The following TRAF2 variants were observed in gnomAD, a reference collection of about 807,000 sequenced individuals.
TRAF2 encodes the protein TNF receptor-associated factor 2.
Under a neutral mutation model 55.6 loss-of-function variants are expected in TRAF2, and 6 were observed. The ratio of observed to expected loss-of-function variants is 0.11; its 90% CI spans 0.06 to 0.21. TRAF2 has a LOEUF of 0.21. TRAF2 is among the 10% of genes least tolerant of loss of function. TRAF2 has a pLI of 1.00. For missense variants in TRAF2, 561 were observed against 684.5 expected (o/e 0.82, Z 2.01); for synonymous variants, 329 against 276.3 (o/e 1.19, Z -1.89).
chr9:136,922,554 G>A (rs776500666), intron 9 of TRAF2: 7 of 156,398 alleles, frequency 4.5e-5, no homozygotes, highest in Admixed American at 3.3e-4. Context: ...CACAGCTTGT[G>A]TGCGGCACGC....
At chr9:136,908,808 T>C (rs1372072343) in intron 5 of TRAF2, among the ~76,000 whole-genome samples, 2 of 145,712 alleles carry the variant, frequency 1.4e-5, no homozygotes, top group Non-Finnish European at 1.5e-5. Flanking sequence ...AGGCGGAGCT[T>C]GCAGTGAGCC....
chr9:136,926,362 G>A lies in TRAF2; in HGVS notation c.*461G>A. 1 of 342,268 alleles carries A rather than the reference G, an allele frequency of 2.9e-6. No homozygotes were observed. The highest frequency in any genetic ancestry group is 7.5e-5 in the East Asian group (1 of 13,264). 21.2% of individuals were successfully genotyped at this position (342,268 alleles called of 1,614,324 possible). A position where few individuals can be genotyped will look rare whatever the true frequency, so the allele number is the denominator to read the frequency against. On this transcript the variant is annotated 3_prime_UTR_variant, in exon 11 of 11. Coordinates refer to ENST00000247668, the MANE Select transcript of TRAF2 (RefSeq NM_021138.4). ...CCTCCTGCTGGCCAGAGCAAGGAAG[G>A]CTGAGCAGCTTGGTTCTCCCCTCTG...
At chr9:136,903,620 A>G (rs1427500652) in intron 4 of TRAF2, among the ~76,000 whole-genome samples, 4 of 151,520 alleles carry the variant, frequency 2.6e-5, no homozygotes, top group Non-Finnish European at 4.4e-5. Flanking sequence ...CTGCTGCAGG[A>G]CAACCCTGGT....
At chr9:136,899,021 G>C in intron 2 of TRAF2, 93 bp downstream of exon 2, 1 of 1,347,576 alleles carries the variant, frequency 7.4e-7, no homozygotes, top group South Asian at 1.4e-5. Flanking sequence ...AGCAGAGCCG[G>C]GTCCAGCTTA....
At chr9:136,918,575 C>T (rs761109448) in intron 7 of TRAF2, among the ~76,000 whole-genome samples, 46 of 151,996 alleles carry the variant, frequency 3.0e-4, no homozygotes, top group Admixed American at 2.6e-3. Flanking sequence ...CAGGCATGAC[C>T]GCGCCTGGCC....
chr9:136,898,857 C>T lies in TRAF2; in HGVS notation c.117C>T (p.Asn39=), dbSNP rs766672665. 1.1e-5 allele frequency: 17 copies of T among 1,613,502 alleles called. No individual in the cohort carries two copies. The Middle Eastern group carries it at 6.6e-4, about 63-fold the overall frequency. The change falls in exon 2 of 11, where the codon AAC becomes AAT. Residue 39 remains asparagine, a synonymous_variant. Coordinates refer to ENST00000247668, the MANE Select transcript of TRAF2 (RefSeq NM_021138.4). ...EAKYLCSACR[N]VLRRPFQAQC... ...AGTACCTGTGCTCCGCCTGCAGAAACGTCCTCCGCAGGCCCTTCCAGGCGC... is the reference window on the plus strand; with the variant it reads ...AGTACCTGTGCTCCGCCTGCAGAAATGTCCTCCGCAGGCCCTTCCAGGCGC...
intron 4 of TRAF2, 196 bp downstream of exon 4, chr9:136,900,716 C>A: frequency 3.1e-6 from 2 of 639,510 alleles, no homozygotes; most frequent in Non-Finnish European, 3.0e-6. Context: ...AGAGCACAGA[C>A]CTGCACCATG....
chr9:136,922,878 G>A (rs1325987482), intron 9 of TRAF2, among the ~76,000 whole-genome samples: 1 of 139,452 alleles, frequency 7.2e-6, no homozygotes, highest in Non-Finnish European at 1.6e-5. Context: ...CTGGGGGCAC[G>A]AGGTGGAGAG....
intron 4 of TRAF2, among the ~76,000 whole-genome samples, chr9:136,903,972 G>C (rs17250805): frequency 6.6e-6 from 1 of 151,998 alleles, no homozygotes; most frequent in Non-Finnish European, 1.5e-5. Flanking sequence ...GTGAGCCACC[G>C]CGCCCAGCCA....
Position 136,900,493 on chromosome 9 carries a change from C to CT in TRAF2, c.340dup (p.Trp114LeufsTer34). On this transcript the variant is annotated frameshift_variant, in exon 4 of 11. Coordinates refer to ENST00000247668, the MANE Select transcript of TRAF2 (RefSeq NM_021138.4). LOFTEE classifies it high-confidence loss of function. The stretch of plus-strand genomic sequence containing the variant: ...CCGTCTGTCCCAGTGATGGATGCAC[C>CT]TGGAAGGGGACCCTGAAAGAATACG... The CT allele has an allele frequency of 6.2e-7, 1 of 1,613,976 alleles. No homozygotes were observed. The highest frequency in any genetic ancestry group is 8.5e-7 in the Non-Finnish European group (1 of 1,179,960).
chr9:136,916,953 C>T (rs973372391), intron 7 of TRAF2, among the ~76,000 whole-genome samples: 3 of 152,162 alleles, frequency 2.0e-5, no homozygotes, highest in Admixed American at 2.0e-4. Context: ...TCCTTGGCCG[C>T]TGTCTCCCTG....
intron 1 of TRAF2, among the ~76,000 whole-genome samples, chr9:136,896,648 G>A (rs1242364850): frequency 1.3e-5 from 2 of 151,938 alleles, no homozygotes; most frequent in East Asian, 1.9e-4. Flanking sequence ...GTCTCTCCCC[G>A]CTTTTTTTTT....
chr9:136,886,584 C>A, intron 1 of TRAF2, 43 bp downstream of exon 1: 1 of 872,228 alleles, frequency 1.1e-6, no homozygotes, highest in Non-Finnish European at 1.3e-6. Flanking sequence ...GGCGCGGGCG[C>A]GGGGTCGGGT....
chr9:136,882,639 T>C (rs1253922350), upstream of TRAF2: 8 of 985,644 alleles, frequency 8.1e-6, no homozygotes, highest in Non-Finnish European at 9.6e-6. Flanking sequence ...GAGGCCTGGG[T>C]GGCTGACTTT....
intron 4 of TRAF2, among the ~76,000 whole-genome samples, chr9:136,901,278 C>G (rs561055005): frequency 2.0e-5 from 3 of 152,304 alleles, no homozygotes; most frequent in Admixed American, 2.0e-4. Context: ...TAATGAATGC[C>G]CTTTAAGAGG....
intron 1 of TRAF2, among the ~76,000 whole-genome samples, chr9:136,893,326 T>C (rs2784032): frequency 0.81 from 123,476 of 152,214 alleles, 50,429 homozygotes; most frequent in African/African-American, 0.9. Context: ...CACACGAATG[T>C]AAGGTCTCAC....
intron 1 of TRAF2, chr9:136,889,779 T>TC (rs1043502790): frequency 6.7e-6 from 1 of 148,980 alleles, no homozygotes. Context: ...GTGTGAGAGT[T>TC]CCCCCCACAC....
intron 1 of TRAF2, among the ~76,000 whole-genome samples, chr9:136,892,570 T>G (rs935824643): frequency 2.0e-5 from 3 of 152,086 alleles, no homozygotes; most frequent in African/African-American, 7.2e-5. Flanking sequence ...TCTAAAACCA[T>G]TAAACCTTTT....
At chr9:136,887,782 A>G (rs1387242958) in intron 1 of TRAF2, among the ~76,000 whole-genome samples, 1 of 152,196 alleles carries the variant, frequency 6.6e-6, no homozygotes, top group African/African-American at 2.4e-5. Flanking sequence ...TTTTGTATAA[A>G]CAGTTGTTAA....
Sources: allele counts gnomAD v4.1 joint callset (sites outside exome capture counted in the v4.1 genomes callset), GRCh38; gene constraint gnomAD v4.1.1; transcripts MANE v1.5; gene names NCBI Gene and HGNC (gene_info 2026-07-23, HGNC 2026-07-21).